The following FAM227A variants were observed in gnomAD, a reference collection of about 807,000 sequenced individuals.
The protein encoded by FAM227A is protein FAM227A.
In FAM227A, 80 loss-of-function variants were observed where a neutral mutation model predicts 74.7. The ratio of observed to expected loss-of-function variants is 1.07; its 90% CI spans 0.89 to 1.29. The LOEUF is 1.29. Ranked by LOEUF, FAM227A falls within the 50% of genes most tolerant of loss-of-function variation. The pLI, the probability that FAM227A is intolerant of heterozygous loss-of-function variation, is 0.00. For synonymous variants in FAM227A, 237 were observed against 241.8 expected, an observed-to-expected ratio of 0.98 and a Z score of 0.19; for missense variants, 654 against 683.4, an observed-to-expected ratio of 0.96 and a Z score of 0.48.
intron 11 of FAM227A, among the ~76,000 whole-genome samples, chr22:38,613,287 AAT>A (rs1259012397): frequency 3.6e-4 from 29 of 80,578 alleles, no homozygotes; most frequent in Non-Finnish European, 5.1e-4. Flanking sequence ...TATCATATAT[AAT>A]ATATATCATA....
chr22:38,628,207 A>T, intron 8 of FAM227A, 31 bp downstream of exon 8: 1 of 1,299,662 alleles, frequency 7.7e-7, no homozygotes, highest in Non-Finnish European at 1.1e-6. Context: ...ATCTAATGTG[A>T]CTTTTTTTCT....
chr22:38,635,103 G>T (rs1246256303), intron 6 of FAM227A, among the ~76,000 whole-genome samples: 2 of 152,064 alleles, frequency 1.3e-5, no homozygotes, highest in African/African-American at 4.8e-5. Flanking sequence ...TATTAGCTGG[G>T]TGTGGTGGCA....
intron 2 of FAM227A, among the ~76,000 whole-genome samples, chr22:38,646,067 G>C (rs564745653): frequency 7.2e-5 from 11 of 152,048 alleles, no homozygotes; most frequent in Non-Finnish European, 2.9e-5. Flanking sequence ...TCACAGGCAT[G>C]AGCCACCGCA....
intron 13 of FAM227A, among the ~76,000 whole-genome samples, chr22:38,602,760 A>T (rs2091203116): frequency 6.6e-6 from 1 of 152,136 alleles, no homozygotes; most frequent in African/African-American, 2.4e-5. Flanking sequence ...TCTGAGGGTG[A>T]TTCTTTGGCA....
At chr22:38,637,140 C>T (rs1029797029) in intron 5 of FAM227A, among the ~76,000 whole-genome samples, 2 of 152,264 alleles carry the variant, frequency 1.3e-5, no homozygotes, top group Middle Eastern at 3.4e-3. Flanking sequence ...ATATATGATT[C>T]GTCTGGCTGA....
intron 9 of FAM227A, among the ~76,000 whole-genome samples, chr22:38,624,589 A>G (rs2091758820): frequency 6.6e-6 from 1 of 152,202 alleles, no homozygotes; most frequent in Non-Finnish European, 1.5e-5. Context: ...GGTAGAAACT[A>G]TGTGGCTTAT....
chr22:38,650,404 T>C, intron 1 of FAM227A, 142 bp from the exon 2 acceptor site: 1 of 517,212 alleles, frequency 1.9e-6, no homozygotes, highest in South Asian at 2.4e-5. Flanking sequence ...CTGAGAAGCC[T>C]ATTCTTAAAT....
chr22:38,601,805 C>T (rs2091184632), intron 13 of FAM227A, among the ~76,000 whole-genome samples: 1 of 152,044 alleles, frequency 6.6e-6, no homozygotes, highest in Non-Finnish European at 1.5e-5. Context: ...TCTAGGGCGG[C>T]TCAGAGGACT....
At chr22:38,592,646 G>A (rs2090962341) in intron 15 of FAM227A, among the ~76,000 whole-genome samples, 1 of 152,144 alleles carries the variant, frequency 6.6e-6, no homozygotes, top group African/African-American at 2.4e-5. Flanking sequence ...TGAAGCTAGT[G>A]GAACAATATG....
chr22:38,606,959 A>G (rs923658329), intron 12 of FAM227A, among the ~76,000 whole-genome samples: 5 of 152,078 alleles, frequency 3.3e-5, no homozygotes, highest in African/African-American at 1.2e-4. Flanking sequence ...CGGGAGGATC[A>G]TGAGGTCAGG....
At chr22:38,593,969 G>A (rs764728305) in intron 15 of FAM227A, among the ~76,000 whole-genome samples, 15 of 152,334 alleles carry the variant, frequency 9.8e-5, no homozygotes, top group African/African-American at 3.6e-4. Flanking sequence ...TGGGATTACA[G>A]GTGTGAGCTA....
intron 5 of FAM227A, among the ~76,000 whole-genome samples, chr22:38,638,307 A>G (rs969547466): frequency 6.6e-6 from 1 of 152,322 alleles, no homozygotes; most frequent in East Asian, 1.9e-4. Flanking sequence ...GCCTGCCATC[A>G]GTGAGCTGCA....
intron 1 of FAM227A, among the ~76,000 whole-genome samples, chr22:38,654,548 G>T (rs2092363298): frequency 6.6e-6 from 1 of 151,550 alleles, no homozygotes; most frequent in Admixed American, 6.6e-5. Context: ...GAATGCAGTG[G>T]CTCATACCTG....
chr22:38,638,849 A>G (rs754076489), intron 4 of FAM227A, 27 bp from the exon 5 acceptor site: 2 of 1,448,448 alleles, frequency 1.4e-6, no homozygotes, highest in Non-Finnish European at 1.9e-6. Flanking sequence ...AAAGAGATAA[A>G]TGAGTAACCA....
At chr22:38,656,001 G>T (rs1345317012) in intron 1 of FAM227A, 119 bp downstream of exon 1, 1 of 152,310 alleles carries the variant, frequency 6.6e-6, no homozygotes, top group African/African-American at 2.4e-5. Context: ...TCCTCACAAT[G>T]CAACCTTTAA....
intron 9 of FAM227A, among the ~76,000 whole-genome samples, chr22:38,625,071 G>A (rs1015929467): frequency 6.6e-6 from 1 of 152,086 alleles, no homozygotes; most frequent in Non-Finnish European, 1.5e-5. Flanking sequence ...GTTGAGGTGG[G>A]GGAGGGGACT....
At chr22:38,624,739 T>C (rs539279884) in intron 9 of FAM227A, among the ~76,000 whole-genome samples, 4 of 152,240 alleles carry the variant, frequency 2.6e-5, no homozygotes, top group Admixed American at 1.3e-4. Flanking sequence ...TAGATTTTCA[T>C]TGTAGGGGGA....
At chr22:38,608,288 G>A (rs796732132) in intron 11 of FAM227A, among the ~76,000 whole-genome samples, 20 of 152,136 alleles carry the variant, frequency 1.3e-4, no homozygotes, top group African/African-American at 4.8e-4. Flanking sequence ...TGACTGTGCT[G>A]CTGTACTCTA....
In FAM227A at chr22:38,581,729, G is replaced by C. The variant is rs571799806; in HGVS notation, c.*4396C>G. On this transcript the variant is annotated 3_prime_UTR_variant, in exon 17 of 17. Transcript: ENST00000535113. ...GCTGAGATTACAGGCGTTAGCCACC[G>C]CACCTGGCTCAGGTTTTTTTTTTTT... The C allele has an allele frequency of 6.8e-6, 1 of 148,130 alleles. No homozygotes were observed. The highest frequency in any genetic ancestry group is 2.0e-4 in the East Asian group (1 of 5,028). 9.2% of individuals were successfully genotyped at this position (148,130 alleles called of 1,614,324 possible).
Sources: allele counts gnomAD v4.1 joint callset (sites outside exome capture counted in the v4.1 genomes callset), GRCh38; gene constraint gnomAD v4.1.1; transcripts MANE v1.5; gene names NCBI Gene and HGNC (gene_info 2026-07-23, HGNC 2026-07-21).